Variants in APBB2 observed in about 807,000 individuals in gnomAD.
The protein encoded by APBB2 is Fe65-like 1.
A neutral mutation model predicts 82.5 loss-of-function variants in APBB2; 38 were observed. The observed-to-expected ratio is 0.46, with a 90% CI of 0.36 to 0.60. The LOEUF is 0.60. Ranked by LOEUF, APBB2 falls within the 20% of genes least tolerant of loss-of-function variation. APBB2 has a pLI of 0.00. For missense variants in APBB2, 772 were observed against 972.3 expected (o/e 0.79, Z 2.74); for synonymous variants, 341 against 368.2 (o/e 0.93, Z 0.85).
intron 15 of APBB2, among the ~76,000 whole-genome samples, chr4:40,825,261 A>G (rs1211350008): frequency 2.6e-5 from 4 of 152,190 alleles, no homozygotes; most frequent in African/African-American, 7.2e-5. Flanking sequence ...GGTCTAAAGT[A>G]ACTATGTTTC....
At chr4:40,903,135 C>A (rs1029981467) in intron 10 of APBB2, among the ~76,000 whole-genome samples, 1 of 151,768 alleles carries the variant, frequency 6.6e-6, no homozygotes, top group African/African-American at 2.4e-5. Context: ...GGTGACAGAG[C>A]GATACTCCAT....
chr4:41,161,357 A>G (rs1214829832), intron 1 of APBB2, among the ~76,000 whole-genome samples: 1 of 152,152 alleles, frequency 6.6e-6, no homozygotes, highest in African/African-American at 2.4e-5. Context: ...CTGTAATCCT[A>G]GCACTTTGGG....
chr4:41,043,900 G>T (rs1276756825), intron 4 of APBB2, among the ~76,000 whole-genome samples: 20 of 152,144 alleles, frequency 1.3e-4, no homozygotes, highest in South Asian at 4.1e-4. Flanking sequence ...TATGAATTTT[G>T]GTGGTGCATG....
At chr4:41,080,718 T>C (rs1737295284) in intron 3 of APBB2, among the ~76,000 whole-genome samples, 1 of 148,980 alleles carries the variant, frequency 6.7e-6, no homozygotes, top group African/African-American at 2.5e-5. Flanking sequence ...TTTTTTTTTT[T>C]AAAGATGTTG....
At chr4:40,830,645 A>T (rs1751559003) in intron 12 of APBB2, 68 bp from the exon 13 acceptor site, 1 of 928,420 alleles carries the variant, frequency 1.1e-6, no homozygotes, top group South Asian at 1.3e-5. Context: ...TTTAGTTATG[A>T]AGTTAACTGA....
At chr4:40,827,045 G>T in intron 14 of APBB2, 87 bp downstream of exon 14, 2 of 1,243,956 alleles carry the variant, frequency 1.6e-6, no homozygotes, top group Non-Finnish European at 2.3e-6. Context: ...AAGGAGACTT[G>T]AAATACCAGA....
At chr4:40,992,473 A>G (rs1262715382) in intron 6 of APBB2, among the ~76,000 whole-genome samples, 1 of 152,048 alleles carries the variant, frequency 6.6e-6, no homozygotes, top group Non-Finnish European at 1.5e-5. Flanking sequence ...CCACTGCACC[A>G]GATTGACACA....
chr4:41,202,114 A>G (rs967138758), intron 1 of APBB2, among the ~76,000 whole-genome samples: 1 of 152,246 alleles, frequency 6.6e-6, no homozygotes, highest in Non-Finnish European at 1.5e-5. Flanking sequence ...ATAGTTCTGC[A>G]GCATTAAGTA....
chr4:40,874,254 T>C (rs972823052), intron 12 of APBB2, among the ~76,000 whole-genome samples: 2 of 152,226 alleles, frequency 1.3e-5, no homozygotes, highest in East Asian at 1.9e-4. Context: ...TATACTATTT[T>C]CCCTGTTAAC....
chr4:40,979,367 C>A (rs891329305), intron 6 of APBB2, among the ~76,000 whole-genome samples: 1 of 152,144 alleles, frequency 6.6e-6, no homozygotes, highest in African/African-American at 2.4e-5. Context: ...TTCCCTCCCC[C>A]AACTATAGGC....
intron 4 of APBB2, among the ~76,000 whole-genome samples, chr4:41,042,122 C>G (rs1008118142): frequency 2.6e-5 from 4 of 152,130 alleles, no homozygotes; most frequent in African/African-American, 4.8e-5. Flanking sequence ...TCCTGAGTAG[C>G]TGGGACTACA....
intron 6 of APBB2, among the ~76,000 whole-genome samples, chr4:40,992,365 G>GGT (rs1343874073): frequency 2.1e-5 from 3 of 145,246 alleles, no homozygotes; most frequent in South Asian, 4.7e-4. Context: ...TAGAGATGGG[G>GGT]GGGGGTCTTT....
chr4:41,157,930 T>C (rs1445535430), intron 1 of APBB2, among the ~76,000 whole-genome samples: 2 of 152,154 alleles, frequency 1.3e-5, no homozygotes, highest in Non-Finnish European at 2.9e-5. Context: ...AGGCAGAGGT[T>C]GCAGTGAGCC....
At chr4:40,856,978 A>G in intron 12 of APBB2, 1 of 985,510 alleles carries the variant, frequency 1.0e-6, no homozygotes, top group Non-Finnish European at 1.2e-6. Context: ...GTTCCCCCTG[A>G]ACGCACCTGC....
At chr4:41,131,925 A>C (rs1299969603) in intron 2 of APBB2, among the ~76,000 whole-genome samples, 1 of 152,068 alleles carries the variant, frequency 6.6e-6, no homozygotes, top group African/African-American at 2.4e-5. Flanking sequence ...CTGTAGTCCC[A>C]GCTACTCAGG....
chr4:41,189,822 C>T (rs970686983), intron 1 of APBB2, among the ~76,000 whole-genome samples: 7 of 152,202 alleles, frequency 4.6e-5, no homozygotes, highest in African/African-American at 1.7e-4. Context: ...CTCTGTGTTA[C>T]ATGAACAGGT....
intron 1 of APBB2, among the ~76,000 whole-genome samples, chr4:41,213,537 A>G (rs1779849907): frequency 6.6e-6 from 1 of 152,170 alleles, no homozygotes; most frequent in Non-Finnish European, 1.5e-5. Flanking sequence ...TTCTAGTCCC[A>G]TGCTCCCTCG....
chr4:40,923,940 A>G (rs528628172), intron 10 of APBB2, among the ~76,000 whole-genome samples: 15 of 152,362 alleles, frequency 9.8e-5, no homozygotes, highest in Admixed American at 8.5e-4. Context: ...GGAGGAAAAC[A>G]GTTTTAGAAA....
At chr4:41,113,535 G>A (rs1749938248) in intron 2 of APBB2, among the ~76,000 whole-genome samples, 1 of 152,052 alleles carries the variant, frequency 6.6e-6, no homozygotes, top group Admixed American at 6.6e-5. Flanking sequence ...TAAAAAGAGA[G>A]GAAGTCAAAT....
Sources: allele counts gnomAD v4.1 joint callset (sites outside exome capture counted in the v4.1 genomes callset), GRCh38; gene constraint gnomAD v4.1.1; transcripts MANE v1.5; gene names NCBI Gene and HGNC (gene_info 2026-07-23, HGNC 2026-07-21).